The following MMP20 variants were observed in gnomAD, a reference collection of about 807,000 sequenced individuals.
MMP20 encodes matrix metallopeptidase 20, also known as matrix metalloproteinase-20.
Under a neutral mutation model 51.8 loss-of-function variants are expected in MMP20, and 50 were observed. The ratio of observed to expected loss-of-function variants is 0.97; its 90% confidence interval spans 0.77 to 1.22. The LOEUF (loss-of-function observed/expected upper bound fraction) is 1.22. Among genes scored for constraint, MMP20 ranks in the 50% most tolerant of loss-of-function variants. The probability of loss-of-function intolerance (pLI) is 0.00; values close to 1 mark genes in which losing one functional copy is unlikely to be tolerated. For synonymous variants in MMP20, 244 were observed against 216.2 expected (o/e 1.13, Z -1.13); for missense variants, 663 against 601.4 (o/e 1.10, Z -1.07).
intron 6 of MMP20, 133 bp from the exon 7 acceptor site, chr11:102,594,890 T>G: frequency 1.7e-6 from 2 of 1,178,724 alleles, no homozygotes; most frequent in Non-Finnish European, 2.3e-6. Flanking sequence ...TTGCCTTGCC[T>G]TGTTTTTTTT....
At chr11:102,619,429 T>C (rs1859718947) in intron 1 of MMP20, among the ~76,000 whole-genome samples, 1 of 152,220 alleles carries the variant, frequency 6.6e-6, no homozygotes, top group Non-Finnish European at 1.5e-5. Context: ...CCACTGCTGT[T>C]ACAACATGAG....
At chr11:102,610,611 A>G (rs909323296) in intron 3 of MMP20, among the ~76,000 whole-genome samples, 5 of 152,178 alleles carry the variant, frequency 3.3e-5, no homozygotes, top group African/African-American at 1.2e-4. Flanking sequence ...TAAAATCCTA[A>G]CTTTTAAAGC....
At chr11:102,580,747 A>G (rs954893120) in intron 8 of MMP20, among the ~76,000 whole-genome samples, 4 of 152,224 alleles carry the variant, frequency 2.6e-5, no homozygotes, top group Non-Finnish European at 5.9e-5. Context: ...TAACCATCAA[A>G]AGAACTACTA....
intron 8 of MMP20, among the ~76,000 whole-genome samples, chr11:102,591,259 G>A (rs576442281): frequency 1.3e-5 from 2 of 152,294 alleles, no homozygotes; most frequent in African/African-American, 2.4e-5. Flanking sequence ...GTTGGAGTGC[G>A]TAAAGTAGAA....
chr11:102,593,414 A>C, intron 8 of MMP20, 25 bp downstream of exon 8: 1 of 1,606,146 alleles, frequency 6.2e-7, no homozygotes, highest in Non-Finnish European at 8.5e-7. Flanking sequence ...ATAAAGATAG[A>C]TAGTAAAAAG....
intron 1 of MMP20, among the ~76,000 whole-genome samples, chr11:102,619,489 C>T (rs1158057532): frequency 6.6e-6 from 1 of 152,040 alleles, no homozygotes; most frequent in African/African-American, 2.4e-5. Context: ...CCAGTCATAT[C>T]ACCAGGGCTG....
intron 2 of MMP20, among the ~76,000 whole-genome samples, chr11:102,615,587 G>A (rs187103178): frequency 1.4e-4 from 22 of 152,206 alleles, no homozygotes; most frequent in East Asian, 9.6e-4. Flanking sequence ...GCTCTCCACC[G>A]CCCTGGGGAT....
rs138278626 is a variant in MMP20 at position 102,579,139 on chromosome 11, G to A, written c.1251C>T (p.Tyr417=). ...LFFVGDEYYS[Y]DERKRKMEKD... is the part of the protein sequence containing the mutation. ...TTTCCATTTTCCTTTTCCTTTCGTC[G>A]TAGCTAGAAAAAGTATTATTTCATA... Residue 417 remains tyrosine (Y), a synonymous_variant, in exon 9 of 10, where the codon TAC becomes TAT. Coordinates refer to ENST00000260228, the MANE Select transcript of MMP20 (RefSeq NM_004771.4). 6.4e-5 allele frequency: 102 copies of A among 1,604,902 alleles called. No individual in the cohort carries two copies. The highest frequency in any genetic ancestry group is 3.3e-4 in the African/African-American group (25 of 74,778).
At position 102,592,539 on chromosome 11, in the gene MMP20, A is replaced by G. The variant is rs17098686; in HGVS notation, c.1247+900T>C. Among the ~76,000 whole-genome samples, 987 of 152,356 alleles carry G rather than the reference A, an allele frequency of 6.5e-3. 11 individuals carry two copies. Among genetic ancestry groups the G allele is most frequent in the African/African-American group, 0.022 (929 of 41,586 alleles). Reference sequence around the variant, plus strand: ...AAATATTTGTTTTGAAATTTCTTTTATACCACAAAAATGATTATTTAAAAT... The same window carrying G: ...AAATATTTGTTTTGAAATTTCTTTTGTACCACAAAAATGATTATTTAAAAT... On this transcript the variant is annotated intron_variant, in intron 8 of 9. Coordinates refer to ENST00000260228, the MANE Select transcript of MMP20 (RefSeq NM_004771.4).
chr11:102,610,758 T>G (rs1253248430), intron 3 of MMP20, among the ~76,000 whole-genome samples: 8 of 150,652 alleles, frequency 5.3e-5, no homozygotes, highest in Admixed American at 1.3e-4. Context: ...AGTTTTAGTT[T>G]GTTTTTTTTT....
At chr11:102,580,712 T>C (rs1350274460) in intron 8 of MMP20, among the ~76,000 whole-genome samples, 1 of 152,222 alleles carries the variant, frequency 6.6e-6, no homozygotes, top group African/African-American at 2.4e-5. Context: ...TACTTTTCAT[T>C]TTACTAAGTA....
At chr11:102,604,224 G>A (rs996667168) in intron 6 of MMP20, among the ~76,000 whole-genome samples, 1 of 152,074 alleles carries the variant, frequency 6.6e-6, no homozygotes, top group Admixed American at 6.5e-5. Context: ...GGAGTGTGGA[G>A]CCTGACAATG....
chr11:102,584,515 T>C (rs1859232157), intron 8 of MMP20, among the ~76,000 whole-genome samples: 1 of 152,218 alleles, frequency 6.6e-6, no homozygotes, highest in East Asian at 1.9e-4. Flanking sequence ...TTATATATTC[T>C]AGACACAAGT....
At chr11:102,605,073 C>A (rs559935070) in intron 6 of MMP20, among the ~76,000 whole-genome samples, 1 of 152,278 alleles carries the variant, frequency 6.6e-6, no homozygotes, top group African/African-American at 2.4e-5. Flanking sequence ...AGAGGACATT[C>A]CTGACTCATG....
intron 2 of MMP20, among the ~76,000 whole-genome samples, chr11:102,615,121 TTAAA>T (rs1222055764): frequency 5.4e-5 from 8 of 147,256 alleles, no homozygotes; most frequent in African/African-American, 2.0e-4. Flanking sequence ...ATTATACCTA[TTAAA>T]TAATATAACA....
chr11:102,587,742 C>T (rs575431497), intron 8 of MMP20, among the ~76,000 whole-genome samples: 3 of 152,142 alleles, frequency 2.0e-5, no homozygotes, highest in South Asian at 2.1e-4. Context: ...GTCTGTTTTG[C>T]CTGATAATAG....
At chr11:102,596,341 G>C (rs963376455) in intron 6 of MMP20, among the ~76,000 whole-genome samples, 5 of 152,218 alleles carry the variant, frequency 3.3e-5, no homozygotes, top group African/African-American at 1.2e-4. Context: ...CATTGTGTTT[G>C]AGAAGATGTG....
In MMP20 at chr11:102,616,895, C is replaced by T. The variant is rs1371730234; in HGVS notation, c.291G>A (p.Lys97=). The change falls in exon 2 of 10, where the codon AAG becomes AAA. Residue 97 remains lysine, a synonymous_variant. Coordinates refer to ENST00000260228, the MANE Select transcript of MMP20 (RefSeq NM_004771.4). ...CCACATCAGGAACTCCACAGCGAGG[C>T]TTCTTGATCACGTTCATTGTGGTCT... ...LDQTTMNVIK[K]PRCGVPDVAN... is the part of the protein sequence containing the mutation. 2 of 1,614,190 alleles carry T rather than the reference C, an allele frequency of 1.2e-6. No homozygotes were observed. Among genetic ancestry groups the T allele is most frequent in the South Asian group, 1.1e-5 (1 of 91,086 alleles).
At chr11:102,602,814 T>C (rs1164586768) in intron 6 of MMP20, among the ~76,000 whole-genome samples, 1 of 152,230 alleles carries the variant, frequency 6.6e-6, no homozygotes, top group East Asian at 1.9e-4. Context: ...ATTTTACCCT[T>C]AAAATTATAT....
Sources: gnomAD v4.1 joint callset for allele counts (sites outside exome capture counted in the v4.1 genomes callset) on GRCh38, gnomAD v4.1.1 for gene constraint, MANE v1.5 for transcripts, NCBI Gene and HGNC (gene_info 2026-07-23, HGNC 2026-07-21) for gene names.